SLC4A4: variants seen among roughly 807,000 people sequenced by gnomAD.
The protein encoded by SLC4A4 is electrogenic sodium bicarbonate cotransporter 1.
SLC4A4 carries 27 observed loss-of-function variants against 111.5 expected under a neutral mutation model. That is an observed-to-expected ratio of 0.24 (90% confidence interval 0.18 to 0.33). SLC4A4 has a LOEUF of 0.33. Ranked by LOEUF, SLC4A4 falls within the 10% of genes least tolerant of loss-of-function variation. The pLI is 1.00. For synonymous variants in SLC4A4, 443 were observed against 463.4 expected (o/e 0.96, Z 0.57); for missense variants, 909 against 1,315.5 (o/e 0.69, Z 4.78).
At chr4:71,206,395 A>C (rs1717767454) in intron 1 of SLC4A4, among the ~76,000 whole-genome samples, 1 of 152,164 alleles carries the variant, frequency 6.6e-6, no homozygotes, top group South Asian at 2.1e-4. Flanking sequence ...GTTACAATTC[A>C]CAGTTTTCAA....
At chr4:71,108,198 C>A (rs1192271963) in intron 2 of SLC4A4, among the ~76,000 whole-genome samples, 1 of 152,128 alleles carries the variant, frequency 6.6e-6, no homozygotes, top group Admixed American at 6.6e-5. Context: ...CCAAAATTAT[C>A]GTAGTAATAG....
chr4:71,256,232 C>T (rs180833324), intron 3 of SLC4A4, among the ~76,000 whole-genome samples: 89 of 152,246 alleles, frequency 5.8e-4, no homozygotes, highest in East Asian at 5.0e-3. Context: ...TTCTTCATGT[C>T]TTTGCTACAG....
chr4:71,533,383 G>C (rs1282779766), intron 17 of SLC4A4, among the ~76,000 whole-genome samples: 1 of 152,126 alleles, frequency 6.6e-6, no homozygotes, highest in African/African-American at 2.4e-5. Flanking sequence ...ACAGAATTAT[G>C]AGACAGATGA....
intron 5 of SLC4A4, among the ~76,000 whole-genome samples, chr4:71,350,602 G>A (rs963563512): frequency 2.6e-5 from 4 of 152,094 alleles, no homozygotes; most frequent in Non-Finnish European, 4.4e-5. Flanking sequence ...CAAGCTCTCC[G>A]AAAAAGAACC....
chr4:71,414,688 G>T (rs1048866532), intron 7 of SLC4A4, among the ~76,000 whole-genome samples: 5 of 152,072 alleles, frequency 3.3e-5, no homozygotes, highest in African/African-American at 1.2e-4. Flanking sequence ...GAAGTCAGTA[G>T]CCCCACAATG....
At chr4:71,370,075 T>C (rs899875494) in intron 6 of SLC4A4, among the ~76,000 whole-genome samples, 1 of 152,228 alleles carries the variant, frequency 6.6e-6, no homozygotes, top group Non-Finnish European at 1.5e-5. Flanking sequence ...TTAATAATTT[T>C]CCTTGAATAA....
At chr4:71,100,203 A>G (rs139723683) in intron 2 of SLC4A4, among the ~76,000 whole-genome samples, 13 of 152,344 alleles carry the variant, frequency 8.5e-5, no homozygotes, top group South Asian at 2.1e-4. Context: ...AAAATCCTCA[A>G]TGAAATACTT....
rs779086881 is a variant in SLC4A4, at chr4:71,450,373, T to C, written c.1054-16T>C. Reference sequence around the variant, plus strand: ...AGTTATCTTTTTGGATGAGCACATCTTTTATTATTCTTTAGGTGTTCCATG... The same window carrying C: ...AGTTATCTTTTTGGATGAGCACATCCTTTATTATTCTTTAGGTGTTCCATG... On this transcript the variant is annotated splice_polypyrimidine_tract_variant and intron_variant, in intron 9 of 25. Coordinates refer to ENST00000264485, the MANE Select transcript of SLC4A4 (RefSeq NM_001098484.3). The C allele has an allele frequency of 6.3e-6, 10 of 1,594,224 alleles. No homozygotes were observed. In the Admixed American group the frequency reaches 1.7e-4, roughly 27 times the overall value.
At chr4:71,081,540 A>G (rs1247821205) in intron 1 of SLC4A4, among the ~76,000 whole-genome samples, 2 of 152,068 alleles carry the variant, frequency 1.3e-5, no homozygotes, top group African/African-American at 4.8e-5. Context: ...GCAAAGTGAG[A>G]AAAAGGATGT....
chr4:71,065,902 A>G (rs1413836874), intron 1 of SLC4A4, among the ~76,000 whole-genome samples: 2 of 152,122 alleles, frequency 1.3e-5, no homozygotes, highest in Admixed American at 6.6e-5. Context: ...ATTATATTGT[A>G]ATTGCCTATT....
chr4:71,234,956 G>C (rs1269760345), intron 1 of SLC4A4, among the ~76,000 whole-genome samples: 1 of 152,158 alleles, frequency 6.6e-6, no homozygotes, highest in Non-Finnish European at 1.5e-5. Context: ...ACTGGTCAGG[G>C]TGAAAAGGAA....
At chr4:71,160,337 CT>C (rs11307159) in intron 2 of SLC4A4, among the ~76,000 whole-genome samples, 11,045 of 147,136 alleles carry the variant, frequency 0.075, 1,058 homozygotes, top group African/African-American at 0.23. Context: ...TAACTCCAGG[CT>C]TTTTTTTTTT....
chr4:71,519,463 A>C (rs943885040), intron 16 of SLC4A4, among the ~76,000 whole-genome samples: 9 of 152,222 alleles, frequency 5.9e-5, no homozygotes, highest in Admixed American at 2.0e-4. Flanking sequence ...TTAGAATTGT[A>C]TATACCAAAT....
intron 16 of SLC4A4, among the ~76,000 whole-genome samples, chr4:71,527,345 A>G (rs966859369): frequency 6.6e-6 from 1 of 152,128 alleles, no homozygotes; most frequent in Non-Finnish European, 1.5e-5. Context: ...TATTTTCAAC[A>G]TAATTTGCTG....
chr4:71,420,844 A>G (rs1212640620), intron 7 of SLC4A4, among the ~76,000 whole-genome samples: 3 of 149,504 alleles, frequency 2.0e-5, no homozygotes, highest in Non-Finnish European at 3.0e-5. Context: ...AGCACTAAAC[A>G]TGGAAAGGAA....
At chr4:71,309,997 A>T (rs530761406) in intron 3 of SLC4A4, among the ~76,000 whole-genome samples, 1 of 152,018 alleles carries the variant, frequency 6.6e-6, no homozygotes, top group East Asian at 1.9e-4. Context: ...AAATGACCTG[A>T]TGGATCTGAG....
At chr4:71,320,023 G>GAT (rs759253003) in intron 3 of SLC4A4, among the ~76,000 whole-genome samples, 3 of 151,910 alleles carry the variant, frequency 2.0e-5, no homozygotes, top group Non-Finnish European at 2.9e-5. Flanking sequence ...TTTCTCTGAG[G>GAT]ATATAGGAAT....
In SLC4A4 at chr4:71,294,577, G is replaced by A. The variant is rs182249008; in HGVS notation, c.253+39178G>A. On this transcript the variant is annotated intron_variant, in intron 3 of 25. Transcript: ENST00000264485. The stretch of plus-strand genomic sequence containing the variant: ...GTGTGCCTGTTAGGAGAGCATTCCC[G>A]AACTCATGATGAATCAAAGACTGAT... 2.6e-4 allele frequency among the ~76,000 whole-genome samples: 39 copies of A among 152,260 alleles called. 2 individuals are homozygous for A. The East Asian group carries it at 6.6e-3, about 26-fold the overall frequency.
chr4:71,198,274 T>G (rs955873355), intron 1 of SLC4A4, among the ~76,000 whole-genome samples: 1 of 152,260 alleles, frequency 6.6e-6, no homozygotes, highest in African/African-American at 2.4e-5. Flanking sequence ...GCATAATATT[T>G]CCAGTGAAAT....
Sources: allele counts gnomAD v4.1 joint callset (sites outside exome capture counted in the v4.1 genomes callset), GRCh38; gene constraint gnomAD v4.1.1; transcripts MANE v1.5; gene names NCBI Gene and HGNC (gene_info 2026-07-23, HGNC 2026-07-21).